The following CTNNA3 variants were observed in gnomAD, a reference collection of about 807,000 sequenced individuals.
CTNNA3 encodes catenin alpha-3.
CTNNA3 carries 76 observed loss-of-function variants against 95.7 expected under a neutral mutation model. That is an observed-to-expected ratio of 0.79 (90% CI 0.66 to 0.96). The LOEUF (loss-of-function observed/expected upper bound fraction) is 0.96. Among genes scored for constraint, CTNNA3 ranks in the 40% least tolerant of loss-of-function variants. CTNNA3 has a pLI of 0.00. For missense variants in CTNNA3, 1,191 were observed against 1,089.8 expected, an observed-to-expected ratio of 1.09 and a Z score of -1.31; for synonymous variants, 431 against 374.4, an observed-to-expected ratio of 1.15 and a Z score of -1.74.
chr10:66,546,819 G>C (rs1842048451), intron 10 of CTNNA3, among the ~76,000 whole-genome samples: 1 of 152,014 alleles, frequency 6.6e-6, no homozygotes, highest in African/African-American at 2.4e-5. Context: ...TGAGATTTTG[G>C]GTGGGGACAC....
At chr10:66,694,995 G>A (rs1479911428) in intron 9 of CTNNA3, among the ~76,000 whole-genome samples, 2 of 152,088 alleles carry the variant, frequency 1.3e-5, no homozygotes, top group African/African-American at 2.4e-5. Flanking sequence ...TTTGAACAGA[G>A]GCAAAGAAAT....
chr10:67,466,095 C>T (rs1476441028), intron 5 of CTNNA3, among the ~76,000 whole-genome samples: 3 of 152,066 alleles, frequency 2.0e-5, no homozygotes, highest in African/African-American at 7.2e-5. Context: ...ACACAATTAT[C>T]AAATGTTCTT....
At chr10:67,235,179 G>A (rs1211334342) in intron 5 of CTNNA3, among the ~76,000 whole-genome samples, 1 of 152,114 alleles carries the variant, frequency 6.6e-6, no homozygotes, top group Non-Finnish European at 1.5e-5. Flanking sequence ...AGTTCAAATG[G>A]AACCAAAAAA....
intron 7 of CTNNA3, among the ~76,000 whole-genome samples, chr10:67,124,071 G>A (rs760758619): frequency 6.6e-6 from 1 of 152,020 alleles, no homozygotes; most frequent in Non-Finnish European, 1.5e-5. Context: ...TCTAAGGGTG[G>A]GGCCCAGAAA....
chr10:66,934,619 A>G (rs1755316452), intron 7 of CTNNA3, among the ~76,000 whole-genome samples: 1 of 152,190 alleles, frequency 6.6e-6, no homozygotes, highest in Admixed American at 6.5e-5. Flanking sequence ...ATTAAAGCTT[A>G]CTGTTTTCCT....
chr10:66,624,469 G>T (rs1011081961), intron 9 of CTNNA3, among the ~76,000 whole-genome samples: 1 of 152,092 alleles, frequency 6.6e-6, no homozygotes, highest in African/African-American at 2.4e-5. Context: ...GGAGCCTAAA[G>T]AAATTTAACA....
intron 5 of CTNNA3, among the ~76,000 whole-genome samples, chr10:67,224,445 T>C (rs937232610): frequency 3.9e-5 from 6 of 152,098 alleles, no homozygotes; most frequent in Non-Finnish European, 8.8e-5. Flanking sequence ...TCTTAAACAG[T>C]GAGTAGAAGT....
chr10:67,141,261 C>T (rs1314544239), intron 7 of CTNNA3, among the ~76,000 whole-genome samples: 1 of 151,928 alleles, frequency 6.6e-6, no homozygotes, highest in Non-Finnish European at 1.5e-5. Context: ...CACTTATCAA[C>T]CTAAGAGGAA....
intron 7 of CTNNA3, among the ~76,000 whole-genome samples, chr10:67,110,265 T>C (rs1036929110): frequency 6.6e-6 from 1 of 152,180 alleles, no homozygotes; most frequent in Non-Finnish European, 1.5e-5. Flanking sequence ...GACTATAAAT[T>C]AAATTATAAC....
intron 9 of CTNNA3, among the ~76,000 whole-genome samples, chr10:66,664,074 GT>G (rs1483940634): frequency 6.6e-6 from 1 of 151,886 alleles, no homozygotes; most frequent in Non-Finnish European, 1.5e-5. Flanking sequence ...CCTGCCAAAT[GT>G]CTTCTGTACT....
intron 11 of CTNNA3, among the ~76,000 whole-genome samples, chr10:66,436,374 T>C (rs189642943): frequency 0.011 from 1,615 of 152,276 alleles, 29 homozygotes; most frequent in African/African-American, 0.037. Flanking sequence ...TGTGTGCACA[T>C]ATATTTAAGA....
chr10:66,927,282 C>A lies in CTNNA3; in HGVS notation c.1048-151758G>T. 6.2e-7 allele frequency: 1 copy of A among 1,614,090 alleles called. No homozygotes were observed. Among genetic ancestry groups the A allele is most frequent in the Non-Finnish European group, 8.5e-7 (1 of 1,180,042 alleles). ...TGATTCTTAGTTCCAATAGAATCTC[C>A]TATTTTCTTAACAATACCTTCAGAC... is the stretch of plus-strand genomic sequence containing the variant. On this transcript the variant is annotated intron_variant, in intron 7 of 17. Transcript: ENST00000433211. This position sits in a 1 kb window ranked among gnomAD's most constrained non-coding sequence, Gnocchi z 4.7.
intron 11 of CTNNA3, among the ~76,000 whole-genome samples, chr10:66,412,456 ATT>A (rs750175517): frequency 0.03 from 3,835 of 126,048 alleles, 120 homozygotes; most frequent in African/African-American, 0.092. Context: ...GCCAAATACT[ATT>A]TTTTTTTTTT....
At chr10:66,936,793 T>G (rs1263984822) in intron 7 of CTNNA3, among the ~76,000 whole-genome samples, 1 of 152,148 alleles carries the variant, frequency 6.6e-6, no homozygotes, top group East Asian at 1.9e-4. Flanking sequence ...TGGTTTCTTA[T>G]GCGTTATCAA....
chr10:66,020,217 C>T (rs1254254598), intron 15 of CTNNA3, among the ~76,000 whole-genome samples: 3 of 152,198 alleles, frequency 2.0e-5, no homozygotes, highest in Admixed American at 6.5e-5. Context: ...GCATCCCTTG[C>T]ATGCATCTAT....
chr10:66,135,443 A>C (rs2083298864), intron 13 of CTNNA3, among the ~76,000 whole-genome samples: 1 of 152,240 alleles, frequency 6.6e-6, no homozygotes, highest in Non-Finnish European at 1.5e-5. Flanking sequence ...AGTAGTGTTA[A>C]TGTATTAAAT....
chr10:67,603,075 A>G (rs1246177563), intron 3 of CTNNA3, among the ~76,000 whole-genome samples: 1 of 152,194 alleles, frequency 6.6e-6, no homozygotes, highest in Non-Finnish European at 1.5e-5. Context: ...CAAGTACATC[A>G]ATGTTTACTG....
intron 12 of CTNNA3, among the ~76,000 whole-genome samples, chr10:66,290,464 A>G (rs2091662623): frequency 6.6e-6 from 1 of 152,108 alleles, no homozygotes; most frequent in Non-Finnish European, 1.5e-5. Context: ...TTCTATTTTC[A>G]TCAGGATATA....
At chr10:66,196,051 A>C (rs1221298022) in intron 13 of CTNNA3, among the ~76,000 whole-genome samples, 1 of 152,220 alleles carries the variant, frequency 6.6e-6, no homozygotes, top group Non-Finnish European at 1.5e-5. Context: ...GAAATTATTA[A>C]AAGAAAATAA....
Sources: gnomAD v4.1 joint callset for allele counts (sites outside exome capture counted in the v4.1 genomes callset) on GRCh38, gnomAD v4.1.1 for gene constraint, Gnocchi (gnomAD v3.1) non-coding constraint, MANE v1.5 for transcripts, NCBI Gene and HGNC (gene_info 2026-07-23, HGNC 2026-07-21) for gene names.